Variants in COL6A6 observed in about 807,000 individuals in gnomAD.
COL6A6 encodes collagen type VI alpha 6 chain.
A neutral mutation model predicts 208.6 loss-of-function variants in COL6A6; 183 were observed. The observed-to-expected ratio is 0.88, with a 90% CI of 0.78 to 0.99. The LOEUF (loss-of-function observed/expected upper bound fraction) is 0.99, where lower values mean the gene tolerates loss of function less well. Among genes scored for constraint, COL6A6 ranks in the 50% least tolerant of loss-of-function variants. The probability of loss-of-function intolerance (pLI) is 0.00; values close to 1 mark genes in which losing one functional copy is unlikely to be tolerated. For missense variants in COL6A6, 2,816 were observed against 2,815.2 expected (o/e 1.00, Z -0.01); for synonymous variants, 973 against 1,011.8 (o/e 0.96, Z 0.73).
Position 130,662,131 on chromosome 3 carries a change from A to C in COL6A6, c.6325A>C (p.Lys2109Gln). 1 of 1,614,042 alleles carries C rather than the reference A, an allele frequency of 6.2e-7. No individual in the cohort carries two copies. Among genetic ancestry groups the C allele is most frequent in the African/African-American group, 1.3e-5 (1 of 75,066 alleles). Residue 2109 changes from lysine to glutamine, a missense_variant, in exon 35 of 37, where the codon AAA becomes CAA. Coordinates refer to ENST00000358511, the MANE Select transcript of COL6A6 (RefSeq NM_001102608.3). ...CTTAAAGAAGGAATCCTTGCGAGCC[A>C]AATGTCAGGGATATGCCTTATTTGT... The part of the protein sequence containing the change: ...EILKKESLRA[K>Q]CQGYALFVFS...
intron 33 of COL6A6, among the ~76,000 whole-genome samples, chr3:130,650,537 C>G (rs1001771078): frequency 6.6e-6 from 1 of 151,618 alleles, no homozygotes; most frequent in Non-Finnish European, 1.5e-5. Context: ...AGGAGAATCG[C>G]TTGAACCCAG....
intron 1 of COL6A6, among the ~76,000 whole-genome samples, chr3:130,548,747 C>CT (rs1461476505): frequency 6.6e-6 from 1 of 152,230 alleles, no homozygotes; most frequent in Non-Finnish European, 1.5e-5. Context: ...CTTGTACACT[C>CT]TAAGTCTCCT....
chr3:130,650,285 AG>A (rs900608013), intron 33 of COL6A6, among the ~76,000 whole-genome samples: 53 of 151,786 alleles, frequency 3.5e-4, no homozygotes, highest in Non-Finnish European at 6.2e-4. Context: ...GAGACCGTGA[AG>A]GGGGGGGCCA....
intron 18 of COL6A6, among the ~76,000 whole-genome samples, chr3:130,597,926 A>G (rs987361328): frequency 1.3e-5 from 2 of 152,198 alleles, no homozygotes; most frequent in African/African-American, 2.4e-5. Context: ...AGTGGAACCC[A>G]TTACAAATTT....
At chr3:130,539,432 C>T (rs745799489) in intron 1 of COL6A6, among the ~76,000 whole-genome samples, 2 of 152,110 alleles carry the variant, frequency 1.3e-5, no homozygotes, top group Non-Finnish European at 2.9e-5. Context: ...TCAGGAGTTT[C>T]AGACCAGCCT....
chr3:130,544,924 T>C (rs1419915213), intron 1 of COL6A6, among the ~76,000 whole-genome samples: 1 of 152,232 alleles, frequency 6.6e-6, no homozygotes, highest in Non-Finnish European at 1.5e-5. Context: ...AACTCCTTAT[T>C]AGATATATGG....
rs551924289 is a variant in COL6A6 at position 130,517,351 on chromosome 3, G to C, written c.-78G>C. 1.8e-3 allele frequency among the ~76,000 whole-genome samples: 281 copies of C among 152,366 alleles called. 1 individual carries two copies. The highest frequency in any genetic ancestry group is 3.4e-3 in the Middle Eastern group (1 of 294). The stretch of plus-strand genomic sequence containing the variant: ...TGCGCGTCCAGAGGAAATCCGCCCC[G>C]GGCTTTCGAAGTGCAGGGCTGGGGG... On this transcript the variant is annotated 5_prime_UTR_variant, in exon 1 of 37. Coordinates refer to ENST00000358511, the MANE Select transcript of COL6A6 (RefSeq NM_001102608.3).
At position 130,574,165 on chromosome 3, in the gene COL6A6, A is replaced by C; in HGVS notation, c.3187A>C (p.Ile1063Leu). ...GGGAACTTTCATAGGTGAAAAAGAG[A>C]TATCATTTCAGATTGAAAACATCAA... Reference protein sequence around the residue: ...PLGTFIGEKEISFQIENIKQI... With the variant: ...PLGTFIGEKELSFQIENIKQI... The change falls in exon 8 of 37, where the codon ATA becomes CTA. Residue 1063 changes from isoleucine (I) to leucine (L), a missense_variant. Physicochemically the swap from Ile to Leu is conservative, Grantham distance 5 (BLOSUM62 2). Coordinates refer to ENST00000358511, the MANE Select transcript of COL6A6 (RefSeq NM_001102608.3). The C allele has an allele frequency of 6.2e-7, 1 of 1,614,020 alleles. No homozygotes were observed. The highest frequency in any genetic ancestry group is 8.5e-7 in the Non-Finnish European group (1 of 1,179,892).
Position 130,676,301 on chromosome 3 carries a change from T to A in COL6A6, c.*904T>A, listed in dbSNP as rs538403975. On this transcript the variant is annotated 3_prime_UTR_variant, in exon 37 of 37. Coordinates refer to ENST00000358511, the MANE Select transcript of COL6A6 (RefSeq NM_001102608.3). ...CTTAAAAACAGCCTTAAATACACAC[T>A]GAGTTTAGAAAAATGTAAGAAAATC... 6.6e-6 allele frequency: 1 copy of A among 152,198 alleles called. No individual in the cohort carries two copies. Among genetic ancestry groups the A allele is most frequent in the African/African-American group, 2.4e-5 (1 of 41,440 alleles). 9.4% of individuals were successfully genotyped at this position (152,198 alleles called of 1,614,324 possible). A position where few individuals can be genotyped will look rare whatever the true frequency, so the allele number is the denominator to read the frequency against.
intron 26 of COL6A6, among the ~76,000 whole-genome samples, chr3:130,634,242 T>TAAAAAAAAAAAAAAAAAA (rs202193097): frequency 8.4e-5 from 2 of 23,794 alleles, no homozygotes; most frequent in Non-Finnish European, 1.2e-4. Flanking sequence ...AATAAATAAA[T>TAAAAAAAAAAAAAAAAAA]AAAAAAAAAA....
At chr3:130,613,087 C>T (rs2064409449) in intron 23 of COL6A6, among the ~76,000 whole-genome samples, 1 of 152,180 alleles carries the variant, frequency 6.6e-6, no homozygotes, top group Non-Finnish European at 1.5e-5. Context: ...AAATCCTTGC[C>T]AAGTCCTATG....
At chr3:130,656,109 G>T (rs1391576038) in intron 33 of COL6A6, among the ~76,000 whole-genome samples, 1 of 152,182 alleles carries the variant, frequency 6.6e-6, no homozygotes, top group East Asian at 1.9e-4. Flanking sequence ...TGAGCTCCTA[G>T]GTCTGGGCTC....
intron 35 of COL6A6, 76 bp from the exon 36 acceptor site, chr3:130,664,927 A>C: frequency 2.2e-6 from 2 of 927,522 alleles, no homozygotes; most frequent in South Asian, 1.5e-5. Context: ...GTAAAGTGGC[A>C]CTTTGTGTAC....
intron 23 of COL6A6, among the ~76,000 whole-genome samples, chr3:130,615,657 G>T (rs115674540): frequency 0.022 from 3,386 of 152,130 alleles, 145 homozygotes; most frequent in African/African-American, 0.077. Flanking sequence ...TAACTATTTC[G>T]CATTCATATC....
intron 23 of COL6A6, among the ~76,000 whole-genome samples, chr3:130,620,987 C>T: frequency 6.6e-6 from 1 of 152,098 alleles, no homozygotes. Context: ...GTGTTAATAA[C>T]AGAGGAAGGT....
intron 33 of COL6A6, among the ~76,000 whole-genome samples, chr3:130,652,058 C>T (rs913684839): frequency 6.6e-6 from 1 of 152,062 alleles, no homozygotes; most frequent in Non-Finnish European, 1.5e-5. Flanking sequence ...CAGCATTGGC[C>T]CCCAACACTG....
intron 1 of COL6A6, among the ~76,000 whole-genome samples, chr3:130,543,545 G>A (rs1313606826): frequency 6.6e-6 from 1 of 152,076 alleles, no homozygotes; most frequent in African/African-American, 2.4e-5. Flanking sequence ...GTTGCCTAGA[G>A]TATACGATAT....
chr3:130,608,311 A>C lies in COL6A6; in HGVS notation c.4690-591A>C, dbSNP rs2064246569. On this transcript the variant is annotated intron_variant, in intron 21 of 36. Coordinates refer to ENST00000358511, the MANE Select transcript of COL6A6 (RefSeq NM_001102608.3). The stretch of plus-strand genomic sequence containing the variant: ...AAAAATTTTTTTCTGATTTCTAGGA[A>C]AAGGTATCTGTAAGTGACATTTAAT... Among the ~76,000 whole-genome samples, 4 of 152,340 alleles carry C rather than the reference A, an allele frequency of 2.6e-5. No individual in the cohort carries two copies. In the South Asian group the frequency reaches 8.3e-4, roughly 32 times the overall value.
chr3:130,673,370 CTAATT>C, intron 36 of COL6A6, among the ~76,000 whole-genome samples: 1 of 151,480 alleles, frequency 6.6e-6, no homozygotes, highest in East Asian at 2.0e-4. Flanking sequence ...TAAGCACTTA[CTAATT>C]TAACAATTTT....
Sources: allele counts gnomAD v4.1 joint callset (sites outside exome capture counted in the v4.1 genomes callset), GRCh38; gene constraint gnomAD v4.1.1; transcripts MANE v1.5; gene names NCBI Gene and HGNC (gene_info 2026-07-23, HGNC 2026-07-21).